LY6G6F: variants seen among roughly 807,000 people sequenced by gnomAD.
LY6G6F encodes lymphocyte antigen 6 family member G6F.
In LY6G6F, 26 loss-of-function variants were observed where a neutral mutation model predicts 33.0. The ratio of observed to expected loss-of-function variants is 0.79; its 90% CI spans 0.58 to 1.09. LY6G6F has a LOEUF of 1.09. Among genes scored for constraint, LY6G6F ranks in the 50% least tolerant of loss-of-function variants. The pLI, the probability that LY6G6F is intolerant of heterozygous loss-of-function variation, is 0.00. For missense variants in LY6G6F, 317 were observed against 372.0 expected (o/e 0.85, Z 1.22); for synonymous variants, 132 against 148.1 (o/e 0.89, Z 0.79).
rs762766883 is a variant in LY6G6F at position 31,710,026 on chromosome 6, C to A, written c.647C>A (p.Ala216Asp). 2.2e-5 allele frequency: 36 copies of A among 1,611,112 alleles called. 1 individual carries two copies. Among genetic ancestry groups the A allele is most frequent in the Non-Finnish European group, 2.9e-5 (34 of 1,178,998 alleles). The change falls in exon 4 of 6, where the codon GCC becomes GAC. Residue 216 changes from alanine to aspartate, a missense_variant and splice_region_variant. Coordinates refer to ENST00000375832, the MANE Select transcript of LY6G6F (RefSeq NM_001003693.3). This position sits in a 1 kb window ranked among gnomAD's most constrained non-coding sequence, Gnocchi z 4.7. ...HNKGVSFSLA[A>D]SIDASPALCA... is the part of the protein sequence containing the mutation. The stretch of plus-strand genomic sequence containing the variant: ...CCCTCTGGTCTGGCCCTTACTACAG[C>A]CTCCATCGATGCTTCTCCTGCCCTC...
At position 31,707,067 on chromosome 6, in the gene LY6G6F, T is replaced by C; in HGVS notation, c.52+109T>C. On this transcript the variant is annotated intron_variant, in intron 1 of 5. Coordinates refer to ENST00000375832, the MANE Select transcript of LY6G6F (RefSeq NM_001003693.3). The surrounding 1 kb of genome is among the most constrained non-coding windows in gnomAD (Gnocchi z 4.1). ...AGGCATCTGACTCAAGAAGATAGAA[T>C]TACCCCAACCAACCTCCTCCTGCCT... The C allele has an allele frequency of 8.1e-7, 1 of 1,237,812 alleles. No homozygotes were observed. Among genetic ancestry groups the C allele is most frequent in the Non-Finnish European group, 1.2e-6 (1 of 845,284 alleles). 76.7% of individuals were successfully genotyped at this position (1,237,812 alleles called of 1,614,324 possible). A position where few individuals can be genotyped will look rare whatever the true frequency, so the allele number is the denominator to read the frequency against.
chr6:31,707,874 C>T lies in LY6G6F; in HGVS notation c.386C>T (p.Ser129Phe). ...GGAATCCCTCTCTCCCCTACAGGAT[C>T]CCAGTTATCTGCAAGGGCTGCAGAT... is the stretch of plus-strand genomic sequence containing the variant. ...RVYDVLVLKG[S>F]QLSARAADGS... The change falls in exon 3 of 6, where the codon TCC becomes TTC. Residue 129 changes from serine (S) to phenylalanine (F), a missense_variant. Transcript: ENST00000375832. The surrounding 1 kb of genome is among the most constrained non-coding windows in gnomAD (Gnocchi z 4.1). The T allele has an allele frequency of 6.2e-7, 1 of 1,612,998 alleles. No individual in the cohort carries two copies. The highest frequency in any genetic ancestry group is 8.5e-7 in the Non-Finnish European group (1 of 1,179,262).
At position 31,707,563 on chromosome 6, in the gene LY6G6F, C is replaced by T. The variant is rs757589353; in HGVS notation, c.158C>T (p.Pro53Leu). Reference sequence around the variant, plus strand: ...GAACACCTGTCATGGTTCTGCAGCCCTGCAGCAGGCTCCTTCACCACCCTG... The same window carrying T: ...GAACACCTGTCATGGTTCTGCAGCCTTGCAGCAGGCTCCTTCACCACCCTG... The part of the protein sequence containing the change: ...GDEHLSWFCS[P>L]AAGSFTTLVA... Residue 53 changes from proline (P) to leucine (L), a missense_variant, in exon 2 of 6, where the codon CCT becomes CTT. Pro to Leu is a moderately conservative substitution (Grantham distance 98). Coordinates refer to ENST00000375832, the MANE Select transcript of LY6G6F (RefSeq NM_001003693.3). The surrounding 1 kb of genome is among the most constrained non-coding windows in gnomAD (Gnocchi z 4.1). 6.2e-7 allele frequency: 1 copy of T among 1,614,052 alleles called. No homozygotes were observed. Among genetic ancestry groups the T allele is most frequent in the Non-Finnish European group, 8.5e-7 (1 of 1,179,970 alleles).
In LY6G6F at chr6:31,707,056, A is replaced by G; in HGVS notation, c.52+98A>G. On this transcript the variant is annotated intron_variant, in intron 1 of 5. Transcript: ENST00000375832. This position sits in a 1 kb window ranked among gnomAD's most constrained non-coding sequence, Gnocchi z 4.1. ...GAGCCTGGCGAAGGCATCTGACTCA[A>G]GAAGATAGAATTACCCCAACCAACC... 5 of 1,364,068 alleles carry G rather than the reference A, an allele frequency of 3.7e-6. No homozygotes were observed. Among genetic ancestry groups the G allele is most frequent in the Non-Finnish European group, 1.0e-6 (1 of 956,108 alleles). The allele number at this position is 1,364,068 out of a possible 1,614,324, so 84.5% of individuals were successfully genotyped here.
intron 3 of LY6G6F, among the ~76,000 whole-genome samples, chr6:31,709,624 C>A (rs951449265): frequency 9.9e-5 from 15 of 151,912 alleles, no homozygotes; most frequent in East Asian, 1.9e-4. Flanking sequence ...GACCTCCTGA[C>A]CTCAGGTGAT....
Position 31,710,323 on chromosome 6 carries a change from C to T in LY6G6F, c.803-29C>T. 1.9e-6 allele frequency: 3 copies of T among 1,613,542 alleles called. No individual in the cohort carries two copies. Among genetic ancestry groups the T allele is most frequent in the Non-Finnish European group, 2.5e-6 (3 of 1,180,016 alleles). ...TCTAAGTTGTCTGCTGACTTCTCTT[C>T]TGTATCCCTGATGGCTCCTTCTCCC... On this transcript the variant is annotated intron_variant, in intron 4 of 5. Coordinates refer to ENST00000375832, the MANE Select transcript of LY6G6F (RefSeq NM_001003693.3). The surrounding 1 kb of genome is among the most constrained non-coding windows in gnomAD (Gnocchi z 4.7).
rs1009179855 is a variant in LY6G6F at position 31,710,182 on chromosome 6, G to A, written c.802+1G>A. 2.5e-6 allele frequency: 4 copies of A among 1,610,586 alleles called. No individual in the cohort carries two copies. Among genetic ancestry groups the A allele is most frequent in the African/African-American group, 2.7e-5 (2 of 74,870 alleles). ...AGGGTCCGTGGGGCTCCAGGCAGAG[G>A]TGAGTCCCTCCCTCCCCGGGGAAAG... On this transcript the variant is annotated splice_donor_variant, in intron 4 of 5. Coordinates refer to ENST00000375832, the MANE Select transcript of LY6G6F (RefSeq NM_001003693.3). LOFTEE classifies it high-confidence loss of function. This position sits in a 1 kb window ranked among gnomAD's most constrained non-coding sequence, Gnocchi z 4.7.
Position 31,710,252 on chromosome 6 carries a change from G to A in LY6G6F, c.802+71G>A, listed in dbSNP as rs534176216. 10 of 1,611,424 alleles carry A rather than the reference G, an allele frequency of 6.2e-6. No individual in the cohort carries two copies. In the East Asian group the frequency reaches 1.1e-4, roughly 18 times the overall value. On this transcript the variant is annotated intron_variant, in intron 4 of 5. Transcript: ENST00000375832. This position sits in a 1 kb window ranked among gnomAD's most constrained non-coding sequence, Gnocchi z 4.7. ...AGGCAAAGGGCTAGGCTCACACCCC[G>A]CCTCTGTACCCCACCTCCTCTAGGG...
At position 31,710,200 on chromosome 6, in the gene LY6G6F, G is replaced by A. The variant is rs371933728; in HGVS notation, c.802+19G>A. The A allele has an allele frequency of 8.5e-5, 136 of 1,607,618 alleles. No individual in the cohort carries two copies. Among genetic ancestry groups the A allele is most frequent in the Non-Finnish European group, 1.1e-4 (124 of 1,176,332 alleles). ...GGCAGAGGTGAGTCCCTCCCTCCCC[G>A]GGGAAAGAAGAGGGCACATGGGTGG... is the stretch of plus-strand genomic sequence containing the variant. On this transcript the variant is annotated intron_variant, in intron 4 of 5. Transcript: ENST00000375832. This position sits in a 1 kb window ranked among gnomAD's most constrained non-coding sequence, Gnocchi z 4.7.
chr6:31,709,999 A>G, intron 3 of LY6G6F, 27 bp from the exon 4 acceptor site: 1 of 1,595,630 alleles, frequency 6.3e-7, no homozygotes, highest in African/African-American at 1.3e-5. Context: ...CCTCCCTCCC[A>G]TCCCTCTGGT....
At chr6:31,709,064 CTTTTTTT>C (rs71552074) in intron 3 of LY6G6F, among the ~76,000 whole-genome samples, 4 of 52,218 alleles carry the variant, frequency 7.7e-5, no homozygotes, top group African/African-American at 4.0e-4. Flanking sequence ...CACGCCTGGC[CTTTTTTT>C]TTTTTTTTTT....
At position 31,707,603 on chromosome 6, in the gene LY6G6F, A is replaced by G. The variant is rs1207183580; in HGVS notation, c.198A>G (p.Gln66=). ...GSFTTLVAQV[Q]VGRPAPDPGK... is the part of the protein sequence containing the mutation. ...TCACCACCCTGGTAGCCCAAGTCCA[A>G]GTGGGCAGGCCAGCCCCAGACCCTG... Residue 66 remains glutamine (Q), a synonymous_variant, in exon 2 of 6, where the codon CAA becomes CAG. Transcript: ENST00000375832. The surrounding 1 kb of genome is among the most constrained non-coding windows in gnomAD (Gnocchi z 4.1). 6.2e-7 allele frequency: 1 copy of G among 1,613,918 alleles called. No individual in the cohort carries two copies. The highest frequency in any genetic ancestry group is 8.5e-7 in the Non-Finnish European group (1 of 1,179,898).
Position 31,710,504 on chromosome 6 carries a change from C to T in LY6G6F, c.870-63C>T. 2.5e-6 allele frequency: 4 copies of T among 1,613,782 alleles called. No homozygotes were observed. The South Asian group carries it at 4.4e-5, about 18-fold the overall frequency. ...ACACGGGTTGGGTTGGGGATGGGCCCTCGTTCCTGAGGATGTGAAAAGTAG... is the reference window on the plus strand; with the variant it reads ...ACACGGGTTGGGTTGGGGATGGGCCTTCGTTCCTGAGGATGTGAAAAGTAG... On this transcript the variant is annotated intron_variant, in intron 5 of 5. Coordinates refer to ENST00000375832, the MANE Select transcript of LY6G6F (RefSeq NM_001003693.3). The surrounding 1 kb of genome is among the most constrained non-coding windows in gnomAD (Gnocchi z 4.7).
At chr6:31,709,417 G>A (rs1448415365) in intron 3 of LY6G6F, among the ~76,000 whole-genome samples, 1 of 151,124 alleles carries the variant, frequency 6.6e-6, no homozygotes, top group African/African-American at 2.4e-5. Context: ...ATGCCACCAC[G>A]TCCAGCTAAT....
In LY6G6F at chr6:31,706,936, A is replaced by T; in HGVS notation, c.30A>T (p.Leu10=). The T allele has an allele frequency of 6.2e-7, 1 of 1,613,980 alleles. No homozygotes were observed. Among genetic ancestry groups the T allele is most frequent in the Non-Finnish European group, 8.5e-7 (1 of 1,179,986 alleles). The change falls in exon 1 of 6, where the codon CTA becomes CTT. Residue 10 remains leucine, a synonymous_variant. Transcript: ENST00000375832. MAVLFLLLF[L]CGTPQAADNM... is the part of the protein sequence containing the mutation. ...CAGTCTTATTCCTCCTCCTGTTCCT[A>T]TGTGGAACTCCCCAGGCTGCAGGTA...
At chr6:31,709,260 T>TGTGTG (rs200827488) in intron 3 of LY6G6F, among the ~76,000 whole-genome samples, 1 of 147,944 alleles carries the variant, frequency 6.8e-6, no homozygotes, top group Non-Finnish European at 1.5e-5. Context: ...GTGTGTGTGT[T>TGTGTG]TTTTTTTGTT....
Position 31,710,270 on chromosome 6 carries a change from C to T in LY6G6F, c.803-82C>T, listed in dbSNP as rs1046040772. The T allele has an allele frequency of 6.2e-7, 1 of 1,612,616 alleles. No individual in the cohort carries two copies. The highest frequency in any genetic ancestry group is 1.3e-5 in the African/African-American group (1 of 74,906). ...ACACCCCGCCTCTGTACCCCACCTC[C>T]TCTAGGGGAGGGGGCGAGGAACACG... On this transcript the variant is annotated intron_variant, in intron 4 of 5. Coordinates refer to ENST00000375832, the MANE Select transcript of LY6G6F (RefSeq NM_001003693.3). The surrounding 1 kb of genome is among the most constrained non-coding windows in gnomAD (Gnocchi z 4.7).
rs1453684915 is a variant in LY6G6F at position 31,706,957 on chromosome 6, AG to A, written c.52+1del. 3 of 1,614,036 alleles carry A rather than the reference AG, an allele frequency of 1.9e-6. No individual in the cohort carries two copies. The African/African-American group carries it at 4.0e-5, about 22-fold the overall frequency. ...LFLCGTPQAA[D>X]NMQAIYVALG... ...TCCTATGTGGAACTCCCCAGGCTGC[AG>A]GTAAGGGGCAAGAGGTACGGGATTC... On this transcript the variant is annotated frameshift_variant and splice_region_variant, in exon 1 of 6. Transcript: ENST00000375832. LOFTEE classifies it high-confidence loss of function.
intron 3 of LY6G6F, among the ~76,000 whole-genome samples, chr6:31,709,064 CTTTTTTTTTTTTTT>C (rs71552074): frequency 1.9e-5 from 1 of 52,174 alleles, no homozygotes; most frequent in Non-Finnish European, 3.3e-5. Flanking sequence ...CACGCCTGGC[CTTTTTTTTTTTTTT>C]TTTTTTTTTT....
Sources: gnomAD v4.1 joint callset for allele counts (sites outside exome capture counted in the v4.1 genomes callset) on GRCh38, gnomAD v4.1.1 for gene constraint, Gnocchi (gnomAD v3.1) non-coding constraint, MANE v1.5 for transcripts, NCBI Gene and HGNC (gene_info 2026-07-23, HGNC 2026-07-21) for gene names.